The following TBCK variants were observed in gnomAD, a reference collection of about 807,000 sequenced individuals.
The protein encoded by TBCK is TBC1 domain containing kinase, also known as TBC domain-containing protein kinase-like protein.
TBCK carries 99 observed loss-of-function variants against 113.4 expected under a neutral mutation model. The observed-to-expected ratio is 0.87, with a 90% CI of 0.74 to 1.03. TBCK has a LOEUF of 1.03. Ranked by LOEUF, TBCK falls within the 50% of genes least tolerant of loss-of-function variation. TBCK has a pLI of 0.00. For missense variants in TBCK, 1,045 were observed against 1,061.3 expected, an observed-to-expected ratio of 0.98 and a Z score of 0.21; for synonymous variants, 369 against 370.8, an observed-to-expected ratio of 1.00 and a Z score of 0.05.
At chr4:106,189,628 C>A (rs1032028373) in intron 22 of TBCK, among the ~76,000 whole-genome samples, 1 of 151,992 alleles carries the variant, frequency 6.6e-6, no homozygotes, top group Non-Finnish European at 1.5e-5. Context: ...CATGATAGAT[C>A]ACCTTGAAAA....
chr4:106,157,599 C>G (rs1195992757), intron 23 of TBCK, among the ~76,000 whole-genome samples: 1 of 152,152 alleles, frequency 6.6e-6, no homozygotes, highest in Admixed American at 6.6e-5. Flanking sequence ...CTAAGTGCAG[C>G]CTGGTTTTGC....
chr4:106,181,354 C>T (rs1370963872), intron 22 of TBCK, among the ~76,000 whole-genome samples: 1 of 152,180 alleles, frequency 6.6e-6, no homozygotes, highest in Admixed American at 6.5e-5. Context: ...TTTTGCTGTG[C>T]AGAAGCTCTT....
intron 25 of TBCK, among the ~76,000 whole-genome samples, chr4:106,088,550 G>A (rs1193189928): frequency 6.6e-6 from 1 of 152,124 alleles, no homozygotes. Flanking sequence ...ATTCCTCAAG[G>A]ATCTAGAACC....
chr4:106,217,969 T>C (rs1311653311), intron 19 of TBCK, among the ~76,000 whole-genome samples: 1 of 143,996 alleles, frequency 6.9e-6, no homozygotes, highest in Non-Finnish European at 1.5e-5. Flanking sequence ...CTTCAAACTA[T>C]ACTACAAGGC....
chr4:106,155,358 G>T (rs1476775557), intron 23 of TBCK, among the ~76,000 whole-genome samples: 1 of 151,998 alleles, frequency 6.6e-6, no homozygotes, highest in East Asian at 1.9e-4. Context: ...TGTGCTAGAT[G>T]TTCTATAATC....
chr4:106,099,978 C>A (rs1741358953), intron 24 of TBCK, among the ~76,000 whole-genome samples: 1 of 152,150 alleles, frequency 6.6e-6, no homozygotes, highest in Admixed American at 6.5e-5. Flanking sequence ...TACTTTAATT[C>A]CAACCAAACT....
chr4:106,316,549 T>C (rs1480842766), upstream of TBCK: 6 of 1,551,556 alleles, frequency 3.9e-6, no homozygotes, highest in Admixed American at 2.0e-5. Context: ...TGGACCTACA[T>C]GCTTCCTGCT....
chr4:106,242,633 TAA>T (rs1760288178), intron 11 of TBCK, 64 bp from the exon 12 acceptor site: 1 of 1,159,894 alleles, frequency 8.6e-7, no homozygotes, highest in Admixed American at 2.4e-5. Flanking sequence ...TTCTAGAAAG[TAA>T]AGTTTATTCT....
At chr4:106,161,200 G>A (rs772309680) in intron 23 of TBCK, among the ~76,000 whole-genome samples, 10 of 152,056 alleles carry the variant, frequency 6.6e-5, no homozygotes, top group Admixed American at 2.0e-4. Flanking sequence ...TAAATTTTAC[G>A]TTGTGTGTAT....
At chr4:106,314,127 T>C (rs1159443238) in intron 1 of TBCK, among the ~76,000 whole-genome samples, 4 of 152,188 alleles carry the variant, frequency 2.6e-5, no homozygotes, top group African/African-American at 9.7e-5. Context: ...GCAAATGTTA[T>C]AGTTAAGAAA....
At chr4:106,122,926 A>C (rs1744634594) in intron 23 of TBCK, among the ~76,000 whole-genome samples, 1 of 152,358 alleles carries the variant, frequency 6.6e-6, no homozygotes. Context: ...ATCATACTGA[A>C]TGGGCAAAAA....
In TBCK at chr4:106,181,691, T is replaced by C. The variant is rs145890425; in HGVS notation, c.2060-10421A>G. Among the ~76,000 whole-genome samples, 36 of 152,252 alleles carry C rather than the reference T, an allele frequency of 2.4e-4. No individual in the cohort carries two copies. In the East Asian group the frequency reaches 6.4e-3, roughly 27 times the overall value. On this transcript the variant is annotated intron_variant, in intron 22 of 25. Coordinates refer to ENST00000394708, the MANE Select transcript of TBCK (RefSeq NM_001163435.3). ...ATCAGATGATTGTAGATGTGTGGTG[T>C]TATTTCTGAGGCCTCTGTTCTGTTC...
Position 106,043,088 on chromosome 4 carries a change from C to T in TBCK, c.*3482G>A, listed in dbSNP as rs1315744277. The T allele has an allele frequency of 6.6e-6, 1 of 152,130 alleles. No individual in the cohort carries two copies. The highest frequency in any genetic ancestry group is 2.4e-5 in the African/African-American group (1 of 41,420). The allele number at this position is 152,130 out of a possible 1,614,324, so 9.4% of individuals were successfully genotyped here. ...GGGGCTTATATTGATACTGGGTATC[C>T]CACGGGCCTAAAAGCTGTGCCTTTC... On this transcript the variant is annotated 3_prime_UTR_variant, in exon 26 of 26. Coordinates refer to ENST00000394708, the MANE Select transcript of TBCK (RefSeq NM_001163435.3).
At chr4:106,084,025 C>T (rs1054275466) in intron 25 of TBCK, among the ~76,000 whole-genome samples, 2 of 152,150 alleles carry the variant, frequency 1.3e-5, no homozygotes, top group African/African-American at 2.4e-5. Context: ...AGCCAGAGTG[C>T]CTCCTCTCCT....
Position 106,247,169 on chromosome 4 carries a change from G to A in TBCK, c.901C>T (p.Leu301=). 1 of 1,613,400 alleles carries A rather than the reference G, an allele frequency of 6.2e-7. No individual in the cohort carries two copies. Among genetic ancestry groups the A allele is most frequent in the Non-Finnish European group, 8.5e-7 (1 of 1,179,630 alleles). ...SSSLRCADLT[L]PEDISQLCKD... The stretch of plus-strand genomic sequence containing the variant: ...CACAACTGACTGATATCCTCAGGCA[G>A]AGTTAAATCAGCACATCTCAGAGAA... The change falls in exon 10 of 26, where the codon CTG becomes TTG. Residue 301 remains leucine, a synonymous_variant. Transcript: ENST00000394708.
At chr4:106,183,763 C>T (rs1752679682) in intron 22 of TBCK, among the ~76,000 whole-genome samples, 1 of 152,030 alleles carries the variant, frequency 6.6e-6, no homozygotes, top group African/African-American at 2.4e-5. Context: ...AAAGTAATTA[C>T]AATCTTGCTT....
intron 19 of TBCK, among the ~76,000 whole-genome samples, chr4:106,221,450 G>T (rs895366251): frequency 1.3e-5 from 2 of 151,966 alleles, no homozygotes; most frequent in African/African-American, 4.8e-5. Context: ...AGTTTTGGTT[G>T]CTCAGGACAG....
At chr4:106,283,653 TAGAG>T (rs1422567564) in intron 3 of TBCK, among the ~76,000 whole-genome samples, 1 of 152,038 alleles carries the variant, frequency 6.6e-6, no homozygotes, top group Non-Finnish European at 1.5e-5. Context: ...ATAAGAGAGT[TAGAG>T]AGTAATATTT....
intron 24 of TBCK, among the ~76,000 whole-genome samples, chr4:106,115,822 T>C (rs1400606939): frequency 6.6e-6 from 1 of 152,222 alleles, no homozygotes; most frequent in Admixed American, 6.5e-5. Flanking sequence ...AGGTCAGTGT[T>C]GAGATGTAGC....
Sources: gnomAD v4.1 joint callset for allele counts (sites outside exome capture counted in the v4.1 genomes callset) on GRCh38, gnomAD v4.1.1 for gene constraint, MANE v1.5 for transcripts, NCBI Gene and HGNC (gene_info 2026-07-23, HGNC 2026-07-21) for gene names.